The following CSMD1 variants were observed in gnomAD, a reference collection of about 807,000 sequenced individuals.
The protein encoded by CSMD1 is CUB and sushi domain-containing protein 1.
Under a neutral mutation model 417.5 loss-of-function variants are expected in CSMD1, and 213 were observed. That is an observed-to-expected ratio of 0.51 (90% CI 0.46 to 0.57). The LOEUF (loss-of-function observed/expected upper bound fraction) is 0.57. CSMD1 is among the 20% of genes least tolerant of loss of function. The pLI, the probability that CSMD1 is intolerant of heterozygous loss-of-function variation, is 0.00. For synonymous variants in CSMD1, 2,862 were observed against 1,736.8 expected, an observed-to-expected ratio of 1.65 and a Z score of -16.11; for missense variants, 6,923 against 4,529.7, an observed-to-expected ratio of 1.53 and a Z score of -15.17.
intron 5 of CSMD1, among the ~76,000 whole-genome samples, chr8:3,972,470 A>T (rs1232514928): frequency 6.6e-6 from 1 of 152,172 alleles, no homozygotes; most frequent in Non-Finnish European, 1.5e-5. Context: ...GGCTTCTTTC[A>T]TTCCTTTCTC....
chr8:4,761,912 A>ATCAATCT (rs1812126573), intron 1 of CSMD1, among the ~76,000 whole-genome samples: 13 of 101,312 alleles, frequency 1.3e-4, no homozygotes, highest in African/African-American at 3.2e-4. Context: ...TCTATCTATC[A>ATCAATCT]ATCTATCTAT....
chr8:3,855,495 A>G (rs777118223), intron 5 of CSMD1, among the ~76,000 whole-genome samples: 37 of 152,196 alleles, frequency 2.4e-4, no homozygotes, highest in Non-Finnish European at 4.9e-4. Flanking sequence ...ATATAAGCTC[A>G]TATGTCAAAA....
intron 3 of CSMD1, among the ~76,000 whole-genome samples, chr8:4,179,760 T>G (rs1798252043): frequency 6.6e-6 from 1 of 151,980 alleles, no homozygotes; most frequent in Non-Finnish European, 1.5e-5. Flanking sequence ...CATCAAAAAG[T>G]GGTGAACAAT....
intron 2 of CSMD1, among the ~76,000 whole-genome samples, chr8:4,589,683 G>A (rs180678447): frequency 5.9e-4 from 90 of 152,146 alleles, no homozygotes; most frequent in African/African-American, 2.0e-3. Flanking sequence ...AATAACCTCC[G>A]CAATTGTTGA....
chr8:3,284,999 CTA>C (rs1371448563), intron 25 of CSMD1, among the ~76,000 whole-genome samples: 1 of 152,178 alleles, frequency 6.6e-6, no homozygotes, highest in Admixed American at 6.5e-5. Flanking sequence ...TTAAAAATCT[CTA>C]TGCCTAAGGA....
At chr8:4,025,475 A>G (rs1585155778) in intron 4 of CSMD1, among the ~76,000 whole-genome samples, 1 of 152,240 alleles carries the variant, frequency 6.6e-6, no homozygotes, top group Non-Finnish European at 1.5e-5. Flanking sequence ...AAGCAAATTA[A>G]GAAGGCATTT....
intron 12 of CSMD1, among the ~76,000 whole-genome samples, chr8:3,463,664 G>T (rs894107177): frequency 1.3e-5 from 2 of 152,162 alleles, no homozygotes; most frequent in Non-Finnish European, 2.9e-5. Context: ...CATTGCACTT[G>T]GACGCTGTTC....
At chr8:3,368,034 C>T (rs1809715345) in intron 19 of CSMD1, among the ~76,000 whole-genome samples, 1 of 152,104 alleles carries the variant, frequency 6.6e-6, no homozygotes, top group Admixed American at 6.6e-5. Context: ...CTCATAGTAA[C>T]CGGAACTACA....
intron 26 of CSMD1, among the ~76,000 whole-genome samples, chr8:3,263,062 T>C (rs1801193699): frequency 6.6e-6 from 1 of 152,162 alleles, no homozygotes; most frequent in Non-Finnish European, 1.5e-5. Flanking sequence ...GTCACCTACT[T>C]TGTGTAATAA....
intron 1 of CSMD1, among the ~76,000 whole-genome samples, chr8:4,674,342 C>T (rs1338540724): frequency 4.6e-5 from 7 of 151,848 alleles, no homozygotes; most frequent in Non-Finnish European, 8.8e-5. Flanking sequence ...AAGGTAAACG[C>T]AAGTGGAAAT....
intron 2 of CSMD1, among the ~76,000 whole-genome samples, chr8:4,528,541 A>G (rs1004770161): frequency 6.6e-6 from 1 of 152,206 alleles, no homozygotes; most frequent in African/African-American, 2.4e-5. Flanking sequence ...GTGTACTTAC[A>G]TTTGCTAAAA....
At chr8:4,457,218 G>A (rs943072994) in intron 2 of CSMD1, among the ~76,000 whole-genome samples, 13 of 152,040 alleles carry the variant, frequency 8.6e-5, no homozygotes, top group African/African-American at 3.1e-4. Flanking sequence ...GGGAAGGGGG[G>A]AACTCATCTT....
Position 3,341,562 on chromosome 8 carries a change from A to T in CSMD1, c.3631+1732T>A, listed in dbSNP as rs146162547. Among the ~76,000 whole-genome samples the T allele has an allele frequency of 3.0e-3, 452 of 152,274 alleles. 1 individual carries two copies. Among genetic ancestry groups the T allele is most frequent in the African/African-American group, 0.01 (432 of 41,546 alleles). The stretch of plus-strand genomic sequence containing the variant: ...GTGAAGCAGCCACAGGAAGGGAAAA[A>T]GTGAGCTTAGTAACATCGCAAATTG... On this transcript the variant is annotated intron_variant, in intron 23 of 69. Coordinates refer to ENST00000635120, the MANE Select transcript of CSMD1 (RefSeq NM_033225.6).
chr8:4,039,268 A>C (rs1264530861), intron 3 of CSMD1, among the ~76,000 whole-genome samples: 1 of 152,158 alleles, frequency 6.6e-6, no homozygotes, highest in Non-Finnish European at 1.5e-5. Context: ...AAGAAAATAT[A>C]ACTCCAAATT....
chr8:4,926,071 G>A lies in CSMD1; in HGVS notation c.85+68261C>T, dbSNP rs543641823. Among the ~76,000 whole-genome samples the A allele has an allele frequency of 3.9e-5, 6 of 152,266 alleles. No homozygotes were observed. The South Asian group carries it at 6.2e-4, about 16-fold the overall frequency. ...AAACAAACAAATACACATTTTAAAA[G>A]TGGACTTATTCTTTTGAATTGTTTT... On this transcript the variant is annotated intron_variant, in intron 1 of 69. Coordinates refer to ENST00000635120, the MANE Select transcript of CSMD1 (RefSeq NM_033225.6).
At chr8:3,563,984 A>G (rs1468304281) in intron 10 of CSMD1, among the ~76,000 whole-genome samples, 2 of 152,296 alleles carry the variant, frequency 1.3e-5, no homozygotes, top group Non-Finnish European at 1.5e-5. Flanking sequence ...TGAGTATACG[A>G]TCATTAAAGT....
chr8:4,342,883 A>G (rs1449193977), intron 3 of CSMD1, among the ~76,000 whole-genome samples: 6 of 152,108 alleles, frequency 3.9e-5, no homozygotes, highest in Non-Finnish European at 8.8e-5. Flanking sequence ...GTGACATATC[A>G]GGAGAAGCAA....
intron 2 of CSMD1, among the ~76,000 whole-genome samples, chr8:4,444,572 C>G (rs1015398788): frequency 3.9e-5 from 6 of 151,978 alleles, no homozygotes; most frequent in Admixed American, 3.3e-4. Flanking sequence ...AGAATTAAAG[C>G]AGCTCCAGAA....
chr8:4,475,544 T>C lies in CSMD1; in HGVS notation c.303-55479A>G, dbSNP rs551125220. 3.3e-5 allele frequency among the ~76,000 whole-genome samples: 5 copies of C among 152,282 alleles called. No homozygotes were observed. The East Asian group carries it at 7.7e-4, about 24-fold the overall frequency. On this transcript the variant is annotated intron_variant, in intron 2 of 69. Transcript: ENST00000635120. The stretch of plus-strand genomic sequence containing the variant: ...AGAGATAACTAGAAAGTTTCATCTA[T>C]CTTGCAACCTATACGTCTTAAATAC...
Sources: allele counts gnomAD v4.1 joint callset (sites outside exome capture counted in the v4.1 genomes callset), GRCh38; gene constraint gnomAD v4.1.1; transcripts MANE v1.5; gene names NCBI Gene and HGNC (gene_info 2026-07-23, HGNC 2026-07-21).